Variants in ANK1 observed in about 807,000 individuals in gnomAD.
ANK1 encodes ankyrin 1, also known as ankyrin-1.
ANK1 carries 51 observed loss-of-function variants against 210.4 expected under a neutral mutation model. That is an observed-to-expected ratio of 0.24 (90% CI 0.19 to 0.31). The LOEUF (loss-of-function observed/expected upper bound fraction) is 0.31. ANK1 is among the 10% of genes least tolerant of loss of function. The probability of loss-of-function intolerance (pLI) is 1.00; values close to 1 mark genes in which losing one functional copy is unlikely to be tolerated. For missense variants in ANK1, 2,051 were observed against 2,504.4 expected, an observed-to-expected ratio of 0.82 and a Z score of 3.86; for synonymous variants, 967 against 1,025.9, an observed-to-expected ratio of 0.94 and a Z score of 1.10.
At chr8:41,717,507 G>T in intron 12 of ANK1, 97 bp downstream of exon 12, 1 of 1,151,760 alleles carries the variant, frequency 8.7e-7, no homozygotes, top group Non-Finnish European at 1.3e-6. Context: ...GGGAATCGTA[G>T]CTCTGTCCCC....
rs753512487 is a variant in ANK1 at position 41,715,808 on chromosome 8, G to A, written c.1446C>T (p.His482=). 7 of 1,614,132 alleles carry A rather than the reference G, an allele frequency of 4.3e-6. No homozygotes were observed. The highest frequency in any genetic ancestry group is 1.3e-5 in the African/African-American group (1 of 74,946). ...TPLHCAARIG[H]TNMVKLLLEN... ...CCAGCAGGAGCTTCACCATGTTTGT[G>A]TGGCCGATGCGAGCTGCACAGTGAA... is the stretch of plus-strand genomic sequence containing the variant. The change falls in exon 14 of 43, where the codon CAC becomes CAT. Residue 482 remains histidine (H), a synonymous_variant. Transcript: ENST00000289734.
upstream of ANK1, among the ~76,000 whole-genome samples, chr8:41,797,803 G>A (rs1227215906): frequency 6.6e-6 from 1 of 152,008 alleles, no homozygotes. The surrounding 1 kb of genome is among the most constrained non-coding windows in gnomAD (Gnocchi z 4.0). Context: ...GGCCTCGGCC[G>A]GCGCGGACCC....
intron 1 of ANK1, among the ~76,000 whole-genome samples, chr8:41,827,615 G>T (rs891192632): frequency 2.6e-5 from 4 of 151,938 alleles, no homozygotes; most frequent in Admixed American, 2.0e-4. Flanking sequence ...TTTTACAAAG[G>T]CTATTTCTTC....
intron 16 of ANK1, among the ~76,000 whole-genome samples, chr8:41,712,736 C>G (rs1826496200): frequency 6.6e-6 from 1 of 152,202 alleles, no homozygotes; most frequent in Non-Finnish European, 1.5e-5. Context: ...TACAAAATTG[C>G]CAGACTACTT....
intron 1 of ANK1, among the ~76,000 whole-genome samples, chr8:41,896,095 C>A (rs1820467970): frequency 2.0e-5 from 3 of 152,214 alleles, no homozygotes; most frequent in Admixed American, 2.0e-4. Context: ...TCTCTGCGGG[C>A]AGCTGGCGGG....
intron 1 of ANK1, among the ~76,000 whole-genome samples, chr8:41,807,699 T>G (rs942336990): frequency 2.0e-5 from 3 of 152,080 alleles, no homozygotes; most frequent in Non-Finnish European, 2.9e-5. Flanking sequence ...GAGATAATAT[T>G]TGAAATCTTA....
At chr8:41,736,755 G>C (rs1418134315) in intron 2 of ANK1, among the ~76,000 whole-genome samples, 1 of 152,232 alleles carries the variant, frequency 6.6e-6, no homozygotes. Context: ...GGCCCCTGCT[G>C]TTTGAGGCCA....
intron 2 of ANK1, among the ~76,000 whole-genome samples, chr8:41,735,946 A>G (rs1833303381): frequency 1.3e-5 from 1 of 77,858 alleles, no homozygotes; most frequent in Non-Finnish European, 2.5e-5. Flanking sequence ...CAGCCTTGCC[A>G]GGGTGTGTGT....
chr8:41,874,833 A>C (rs1244340104), intron 1 of ANK1, among the ~76,000 whole-genome samples: 1 of 152,078 alleles, frequency 6.6e-6, no homozygotes, highest in African/African-American at 2.4e-5. Context: ...CCTGCTTTTG[A>C]TCTTCCCATT....
chr8:41,715,527 A>G, intron 14 of ANK1, 125 bp downstream of exon 14: 1 of 1,273,102 alleles, frequency 7.9e-7, no homozygotes, highest in Non-Finnish European at 1.1e-6. Flanking sequence ...GAGTGTGACG[A>G]CCCTTCCAGC....
chr8:41,706,709 C>T (rs1824684003), intron 17 of ANK1, among the ~76,000 whole-genome samples: 1 of 152,174 alleles, frequency 6.6e-6, no homozygotes, highest in African/African-American at 2.4e-5. Context: ...CCTTGGTTTC[C>T]TAATCTAGAC....
rs576663792 is a variant in ANK1 at position 41,890,393 on chromosome 8, A to T, written c.126+5962T>A. Among the ~76,000 whole-genome samples the T allele has an allele frequency of 4.6e-5, 7 of 152,304 alleles. No individual in the cohort carries two copies. In the South Asian group the frequency reaches 1.5e-3, roughly 32 times the overall value. Reference sequence around the variant, plus strand: ...GGAGATAGAGAGCCAGGCAAAGTTGATCTGCCTTTCTCAAAAAAACAAACA... The same window carrying T: ...GGAGATAGAGAGCCAGGCAAAGTTGTTCTGCCTTTCTCAAAAAAACAAACA... On this transcript the variant is annotated intron_variant, in intron 1 of 42. Transcript: ENST00000265709.
At chr8:41,869,439 G>A (rs1301008179) in intron 1 of ANK1, among the ~76,000 whole-genome samples, 2 of 152,188 alleles carry the variant, frequency 1.3e-5, no homozygotes, top group Non-Finnish European at 2.9e-5. Flanking sequence ...AATTAGCCTG[G>A]CGTGGTGGCT....
chr8:41,825,800 A>G (rs144580096), intron 1 of ANK1, among the ~76,000 whole-genome samples: 3,827 of 152,134 alleles, frequency 0.025, 159 homozygotes, highest in African/African-American at 0.087. Context: ...AATAAGTCTT[A>G]CGAGATCTGA....
chr8:41,738,441 A>G (rs1833957914), intron 2 of ANK1, among the ~76,000 whole-genome samples: 1 of 152,020 alleles, frequency 6.6e-6, no homozygotes, highest in Non-Finnish European at 1.5e-5. Flanking sequence ...CTGAAAACGA[A>G]CCTCCTGCAC....
chr8:41,813,434 A>G (rs7006871), intron 1 of ANK1, among the ~76,000 whole-genome samples: 120,203 of 152,146 alleles, frequency 0.79, 48,614 homozygotes, highest in African/African-American at 0.91. Context: ...ACATCTCAAG[A>G]AACATGAAGG....
intron 1 of ANK1, among the ~76,000 whole-genome samples, chr8:41,839,242 T>C (rs1247289321): frequency 6.6e-6 from 1 of 152,248 alleles, no homozygotes; most frequent in Non-Finnish European, 1.5e-5. Context: ...TAGATAGTAC[T>C]GACCCTGTGC....
intron 1 of ANK1, among the ~76,000 whole-genome samples, chr8:41,810,397 C>A (rs1269492679): frequency 6.6e-6 from 1 of 152,196 alleles, no homozygotes; most frequent in Non-Finnish European, 1.5e-5. Flanking sequence ...AGAGGGAAAT[C>A]TTGGGCAATG....
At chr8:41,887,377 A>C (rs570701308) in intron 1 of ANK1, among the ~76,000 whole-genome samples, 17 of 150,570 alleles carry the variant, frequency 1.1e-4, no homozygotes. Context: ...CAGCCTCCTG[A>C]GTAGGTGGGA....
Sources: gnomAD v4.1 joint callset for allele counts (sites outside exome capture counted in the v4.1 genomes callset) on GRCh38, gnomAD v4.1.1 for gene constraint, Gnocchi (gnomAD v3.1) non-coding constraint, MANE v1.5 for transcripts, NCBI Gene and HGNC (gene_info 2026-07-23, HGNC 2026-07-21) for gene names.